PHACTR1: variants seen among roughly 807,000 people sequenced by gnomAD.
PHACTR1 encodes the protein RPEL repeat containing 1.
In PHACTR1, 16 loss-of-function variants were observed where a neutral mutation model predicts 69.2. The ratio of observed to expected loss-of-function variants is 0.23; its 90% CI spans 0.16 to 0.35. The LOEUF is 0.35. Among genes scored for constraint, PHACTR1 ranks in the 10% least tolerant of loss-of-function variants. PHACTR1 has a pLI of 1.00. For synonymous variants in PHACTR1, 312 were observed against 284.5 expected, an observed-to-expected ratio of 1.10 and a Z score of -0.97; for missense variants, 510 against 734.7, an observed-to-expected ratio of 0.69 and a Z score of 3.54.
intron 4 of PHACTR1, among the ~76,000 whole-genome samples, chr6:12,825,450 C>T (rs1776693234): frequency 6.6e-6 from 1 of 152,158 alleles, no homozygotes; most frequent in Non-Finnish European, 1.5e-5. Flanking sequence ...TGTGGTTTCT[C>T]CATGTTATTT....
chr6:13,023,608 G>A (rs935478395), intron 4 of PHACTR1, among the ~76,000 whole-genome samples: 3 of 152,124 alleles, frequency 2.0e-5, no homozygotes, highest in African/African-American at 4.8e-5. Context: ...CCCTTACCTC[G>A]GTTCTGAGGT....
At chr6:13,218,853 AAAGAGAAGAGAAGAG>A (rs536881718) in intron 8 of PHACTR1, among the ~76,000 whole-genome samples, 12,397 of 142,342 alleles carry the variant, frequency 0.087, 654 homozygotes, top group South Asian at 0.13. Context: ...GAGGAGGAGG[AAAGAGAAGAGAAGAG>A]AAGAGAAGAG....
intron 4 of PHACTR1, among the ~76,000 whole-genome samples, chr6:12,897,336 C>A (rs951238681): frequency 6.6e-6 from 1 of 152,198 alleles, no homozygotes; most frequent in Non-Finnish European, 1.5e-5. Flanking sequence ...TTCATCCTCC[C>A]GCTTTAAGCC....
At chr6:13,014,918 C>T (rs1193736369) in intron 4 of PHACTR1, among the ~76,000 whole-genome samples, 1 of 152,236 alleles carries the variant, frequency 6.6e-6, no homozygotes, top group Non-Finnish European at 1.5e-5. Flanking sequence ...GTGGACGCCC[C>T]TGTGTGGCTG....
chr6:13,002,465 A>G (rs944193947), intron 4 of PHACTR1, among the ~76,000 whole-genome samples: 1 of 152,280 alleles, frequency 6.6e-6, no homozygotes, highest in Middle Eastern at 3.4e-3. Flanking sequence ...AGCATTTCCT[A>G]TGATTATCAT....
chr6:12,721,433 C>T (rs1762115481), intron 3 of PHACTR1, among the ~76,000 whole-genome samples: 2 of 151,524 alleles, frequency 1.3e-5, no homozygotes, highest in African/African-American at 4.8e-5. Context: ...AGAAATGTGG[C>T]CTGATAAAAG....
intron 4 of PHACTR1, among the ~76,000 whole-genome samples, chr6:12,751,945 C>G (rs1181422518): frequency 1.3e-5 from 2 of 152,180 alleles, no homozygotes; most frequent in East Asian, 3.8e-4. Flanking sequence ...GTAAGTTGGA[C>G]AGTGGAGGGA....
At chr6:13,075,353 C>T (rs1212922606) in intron 5 of PHACTR1, among the ~76,000 whole-genome samples, 1 of 152,152 alleles carries the variant, frequency 6.6e-6, no homozygotes, top group Non-Finnish European at 1.5e-5. Context: ...ACTCTAGTAG[C>T]CTGGCACCCC....
intron 4 of PHACTR1, among the ~76,000 whole-genome samples, chr6:12,834,721 TA>T (rs1777963727): frequency 6.6e-6 from 1 of 152,186 alleles, no homozygotes; most frequent in Non-Finnish European, 1.5e-5. Flanking sequence ...GGTAATGAGA[TA>T]AAAACAAAAC....
chr6:12,750,815 GTTTGT>G (rs1300694683), intron 4 of PHACTR1, among the ~76,000 whole-genome samples: 1 of 152,192 alleles, frequency 6.6e-6, no homozygotes, highest in Non-Finnish European at 1.5e-5. Context: ...TTCCATCCTA[GTTTGT>G]TTTCTCTTCC....
intron 4 of PHACTR1, among the ~76,000 whole-genome samples, chr6:12,804,612 A>G (rs1384436939): frequency 6.6e-6 from 1 of 152,196 alleles, no homozygotes; most frequent in Non-Finnish European, 1.5e-5. Context: ...CCTTGAGCCC[A>G]GGAGTTCGAG....
At chr6:12,894,374 G>A (rs1784444802) in intron 4 of PHACTR1, among the ~76,000 whole-genome samples, 1 of 152,196 alleles carries the variant, frequency 6.6e-6, no homozygotes, top group Admixed American at 6.5e-5. Flanking sequence ...GGAGTCAAAG[G>A]CAGGCAGATC....
chr6:13,038,092 CTAG>C (rs1198977237), intron 4 of PHACTR1, among the ~76,000 whole-genome samples: 2 of 152,062 alleles, frequency 1.3e-5, no homozygotes, highest in Non-Finnish European at 2.9e-5. Context: ...CATGATGAGA[CTAG>C]TAGTAATTCA....
At chr6:13,105,995 G>A (rs941473376) in intron 5 of PHACTR1, among the ~76,000 whole-genome samples, 5 of 152,166 alleles carry the variant, frequency 3.3e-5, no homozygotes, top group African/African-American at 4.8e-5. Context: ...TAGGGTGTGA[G>A]TTATAGTGTC....
chr6:13,258,123 C>T (rs986828851), intron 10 of PHACTR1, among the ~76,000 whole-genome samples: 20 of 152,104 alleles, frequency 1.3e-4, no homozygotes, highest in Admixed American at 2.0e-4. Context: ...TTTGGAAGCC[C>T]GAGGTGGATG....
chr6:13,205,188 G>A (rs1765726923), intron 7 of PHACTR1, among the ~76,000 whole-genome samples: 1 of 152,092 alleles, frequency 6.6e-6, no homozygotes, highest in African/African-American at 2.4e-5. Flanking sequence ...TGGCAAGAGA[G>A]GAAGCAAAGG....
chr6:12,801,531 C>T (rs1011749994), intron 4 of PHACTR1, among the ~76,000 whole-genome samples: 1 of 152,110 alleles, frequency 6.6e-6, no homozygotes, highest in Non-Finnish European at 1.5e-5. Context: ...ATTCTCACTG[C>T]TTGGCTGATA....
chr6:13,051,426 A>G (rs903771936), intron 4 of PHACTR1, among the ~76,000 whole-genome samples: 1 of 152,174 alleles, frequency 6.6e-6, no homozygotes, highest in Non-Finnish European at 1.5e-5. Flanking sequence ...CCAAATGCCA[A>G]TTCATTTCAA....
chr6:12,766,164 T>C (rs1167182602), intron 4 of PHACTR1, among the ~76,000 whole-genome samples: 2 of 152,188 alleles, frequency 1.3e-5, no homozygotes, highest in Non-Finnish European at 2.9e-5. Context: ...CTTACTGAAA[T>C]GGAAATGATG....
Sources: gnomAD v4.1 joint callset for allele counts (sites outside exome capture counted in the v4.1 genomes callset) on GRCh38, gnomAD v4.1.1 for gene constraint, MANE v1.5 for transcripts, NCBI Gene and HGNC (gene_info 2026-07-23, HGNC 2026-07-21) for gene names.